The following GSPT1 variants were observed in gnomAD, a reference collection of about 807,000 sequenced individuals.
GSPT1 encodes the protein eukaryotic peptide chain release factor GTP-binding subunit ERF3A.
Under a neutral mutation model 72.5 loss-of-function variants are expected in GSPT1, and 20 were observed. The observed-to-expected ratio is 0.28, with a 90% CI of 0.19 to 0.40. The LOEUF (loss-of-function observed/expected upper bound fraction) is 0.40, where lower values mean the gene tolerates loss of function less well. Ranked by LOEUF, GSPT1 falls within the 10% of genes least tolerant of loss-of-function variation. GSPT1 has a pLI of 1.00. For missense variants in GSPT1, 580 were observed against 811.9 expected (o/e 0.71, Z 3.47); for synonymous variants, 334 against 293.5 (o/e 1.14, Z -1.41).
chr16:11,888,086 AG>A (rs1351905544), intron 6 of GSPT1, among the ~76,000 whole-genome samples: 2 of 151,596 alleles, frequency 1.3e-5, no homozygotes, highest in Non-Finnish European at 2.9e-5. Flanking sequence ...ACCTGGGAGG[AG>A]GAGGTTGCAG....
rs370239019 is a variant in GSPT1 at position 11,869,779 on chromosome 16, C to G, written c.*3340G>C. 1.9e-4 allele frequency: 29 copies of G among 152,280 alleles called. No homozygotes were observed. The East Asian group carries it at 4.8e-3, about 25-fold the overall frequency. The allele number at this position is 152,280 out of a possible 1,614,324, so 9.4% of individuals were successfully genotyped here. ...TCAAAGATCACGGAGTAATTCCAGT[C>G]ATTACTAGTGTTCCTGCAGATCGCC... is the stretch of plus-strand genomic sequence containing the variant. On this transcript the variant is annotated 3_prime_UTR_variant, in exon 15 of 15. Coordinates refer to ENST00000434724, the MANE Select transcript of GSPT1 (RefSeq NM_002094.4).
intron 4 of GSPT1, 70 bp from the exon 5 acceptor site, chr16:11,895,057 G>A (rs2054316872): frequency 2.2e-6 from 2 of 897,478 alleles, no homozygotes; most frequent in African/African-American, 1.6e-5. Flanking sequence ...GCAAACAACA[G>A]CACCCTTTAA....
At chr16:11,893,079 TTTTG>T (rs2054289952) in intron 5 of GSPT1, among the ~76,000 whole-genome samples, 2 of 151,650 alleles carry the variant, frequency 1.3e-5, no homozygotes, top group Admixed American at 1.3e-4. Flanking sequence ...AGGTTTTGTT[TTTTG>T]TTTTTGTTTG....
upstream of GSPT1, among the ~76,000 whole-genome samples, chr16:11,916,349 G>A (rs1050546724): frequency 3.3e-5 from 5 of 152,240 alleles, no homozygotes; most frequent in African/African-American, 1.2e-4. Context: ...TTAGCCCATA[G>A]GAGGGGTCCA....
intron 1 of GSPT1, among the ~76,000 whole-genome samples, chr16:11,912,644 A>T (rs1260911738): frequency 6.6e-6 from 1 of 152,186 alleles, no homozygotes; most frequent in Non-Finnish European, 1.5e-5. Flanking sequence ...TAACCCTAAA[A>T]TTACTAAACC....
chr16:11,874,918 ACG>A, intron 14 of GSPT1, among the ~76,000 whole-genome samples: 1 of 152,278 alleles, frequency 6.6e-6, no homozygotes, highest in South Asian at 2.1e-4. Context: ...TGGGCCGGGC[ACG>A]GTGGCTCACG....
intron 11 of GSPT1, among the ~76,000 whole-genome samples, chr16:11,880,872 G>C (rs1244084066): frequency 1.3e-5 from 2 of 152,106 alleles, no homozygotes; most frequent in African/African-American, 4.8e-5. Flanking sequence ...CCAACCCCAT[G>C]AATTTTTTAT....
intron 5 of GSPT1, among the ~76,000 whole-genome samples, chr16:11,892,529 A>AAAAAAAAC: frequency 6.8e-6 from 1 of 147,586 alleles, no homozygotes; most frequent in Non-Finnish European, 1.5e-5. Context: ...AAAACAAAAA[A>AAAAAAAAC]AACAAAAAAT....
chr16:11,912,666 TAAC>T (rs1298050279), intron 1 of GSPT1, among the ~76,000 whole-genome samples: 3 of 152,098 alleles, frequency 2.0e-5, no homozygotes, highest in African/African-American at 7.2e-5. Context: ...GTTTCTTATC[TAAC>T]AATAAAAAAA....
rs1291928050 is a variant in GSPT1, at chr16:11,868,755, A to G, written c.*4364T>C. On this transcript the variant is annotated 3_prime_UTR_variant, in exon 15 of 15. Transcript: ENST00000434724. ...AGATGTCATTCCACCTGTGCTGTCC[A>G]CAAACCTGAGGTTTCCACATCGTTT... 1 of 152,240 alleles carries G rather than the reference A, an allele frequency of 6.6e-6. No individual in the cohort carries two copies. The highest frequency in any genetic ancestry group is 1.5e-5 in the Non-Finnish European group (1 of 68,044). 9.4% of individuals were successfully genotyped at this position (152,240 alleles called of 1,614,324 possible).
At position 11,882,044 on chromosome 16, in the gene GSPT1, A is replaced by C. The variant is rs375087208; in HGVS notation, c.1428+971T>G. The C allele has an allele frequency of 5.2e-5, 8 of 152,426 alleles. No homozygotes were observed. The East Asian group carries it at 1.3e-3, about 26-fold the overall frequency. The allele number at this position is 152,426 out of a possible 1,614,324, so 9.4% of individuals were successfully genotyped here. ...AAGCCTGTAATCCCAGCACTTTGGG[A>C]GGCCCAGGCGGGCAAATCACGAGGT... On this transcript the variant is annotated intron_variant, in intron 11 of 14. Transcript: ENST00000434724.
rs915457234 is a variant in GSPT1, at chr16:11,869,725, T to C, written c.*3394A>G. On this transcript the variant is annotated 3_prime_UTR_variant, in exon 15 of 15. Coordinates refer to ENST00000434724, the MANE Select transcript of GSPT1 (RefSeq NM_002094.4). The stretch of plus-strand genomic sequence containing the variant: ...GGAAGTCCATGCCAGTAAGAAAAGG[T>C]GCTAGAGTGCTGTTATGTGTAATAG... 6.6e-6 allele frequency: 1 copy of C among 152,196 alleles called. No individual in the cohort carries two copies. Among genetic ancestry groups the C allele is most frequent in the Non-Finnish European group, 1.5e-5 (1 of 68,050 alleles). 9.4% of individuals were successfully genotyped at this position (152,196 alleles called of 1,614,324 possible). A position where few individuals can be genotyped will look rare whatever the true frequency, so the allele number is the denominator to read the frequency against.
chr16:11,885,646 C>G (rs2054178171), intron 9 of GSPT1, among the ~76,000 whole-genome samples: 1 of 152,188 alleles, frequency 6.6e-6, no homozygotes, highest in Non-Finnish European at 1.5e-5. Context: ...AATCCCAGCA[C>G]TTTGGGAGGC....
chr16:11,914,113 G>C (rs1206516002), intron 1 of GSPT1, among the ~76,000 whole-genome samples: 1 of 152,200 alleles, frequency 6.6e-6, no homozygotes, highest in Non-Finnish European at 1.5e-5. Context: ...AAATGCGCTG[G>C]ATGTCATGAC....
intron 1 of GSPT1, chr16:11,908,492 G>GGT (rs2054515967): frequency 1.8e-5 from 2 of 113,226 alleles, no homozygotes; most frequent in Admixed American, 8.3e-5. Context: ...CGGGCGCGGT[G>GGT]GCTCACGCCT....
chr16:11,916,558 A>C (rs2054639920), upstream of GSPT1, among the ~76,000 whole-genome samples: 3 of 152,138 alleles, frequency 2.0e-5, no homozygotes, highest in Admixed American at 2.0e-4. Context: ...CTTCATTTCA[A>C]AGCCGGTGCA....
intron 7 of GSPT1, 95 bp from the exon 8 acceptor site, chr16:11,887,026 T>TG (rs1200711968): frequency 3.1e-6 from 3 of 980,828 alleles, no homozygotes; most frequent in East Asian, 2.5e-5. Context: ...CACGAGTTTT[T>TG]TTTTTTTTTT....
Position 11,872,259 on chromosome 16 carries a change from T to C in GSPT1, c.*860A>G, listed in dbSNP as rs1345056760. ...TGTTAATTCCACTAATTTAACAAGT[T>C]AATGGAATTTTCTCTAGGGGTACAA... On this transcript the variant is annotated 3_prime_UTR_variant, in exon 15 of 15. Transcript: ENST00000434724. The C allele has an allele frequency of 6.6e-6, 1 of 152,198 alleles. No individual in the cohort carries two copies. Among genetic ancestry groups the C allele is most frequent in the Non-Finnish European group, 1.5e-5 (1 of 68,032 alleles). 9.4% of individuals were successfully genotyped at this position (152,198 alleles called of 1,614,324 possible).
intron 1 of GSPT1, among the ~76,000 whole-genome samples, chr16:11,906,250 T>A (rs2054487851): frequency 6.6e-6 from 1 of 152,136 alleles, no homozygotes; most frequent in Non-Finnish European, 1.5e-5. Flanking sequence ...ATCTGTACAT[T>A]CATTGCATTT....
Sources: gnomAD v4.1 joint callset for allele counts (sites outside exome capture counted in the v4.1 genomes callset) on GRCh38, gnomAD v4.1.1 for gene constraint, MANE v1.5 for transcripts, NCBI Gene and HGNC (gene_info 2026-07-23, HGNC 2026-07-21) for gene names.